Variants in IGF1 observed in about 807,000 individuals in gnomAD.
IGF1 encodes insulin like growth factor 1.
In IGF1, 4 loss-of-function variants were observed where a neutral mutation model predicts 13.8. That is an observed-to-expected ratio of 0.29 (90% CI 0.14 to 0.66). The LOEUF (loss-of-function observed/expected upper bound fraction) is 0.66. Ranked by LOEUF, IGF1 falls within the 30% of genes least tolerant of loss-of-function variation. The probability of loss-of-function intolerance (pLI) is 0.78; values close to 1 mark genes in which losing one functional copy is unlikely to be tolerated. For synonymous variants in IGF1, 76 were observed against 72.6 expected (o/e 1.05, Z -0.23); for missense variants, 124 against 188.5 (o/e 0.66, Z 2.00).
intron 2 of IGF1, among the ~76,000 whole-genome samples, chr12:102,453,839 C>G (rs1879161163): frequency 1.3e-5 from 2 of 152,176 alleles, no homozygotes; most frequent in African/African-American, 2.4e-5. Flanking sequence ...AATCTATGTG[C>G]CTTTAATCAC....
chr12:102,431,674 T>C (rs1037837349), intron 2 of IGF1, among the ~76,000 whole-genome samples: 1 of 152,128 alleles, frequency 6.6e-6, no homozygotes, highest in African/African-American at 2.4e-5. Context: ...AACTCTGAAG[T>C]TGATACCTTT....
intron 2 of IGF1, among the ~76,000 whole-genome samples, chr12:102,457,491 C>A (rs1395110186): frequency 6.6e-6 from 1 of 152,126 alleles, no homozygotes; most frequent in Non-Finnish European, 1.5e-5. Context: ...AAAGTCAAAG[C>A]GGCTTGTTTG....
chr12:102,449,956 C>G (rs1343519303), intron 2 of IGF1, among the ~76,000 whole-genome samples: 2 of 152,018 alleles, frequency 1.3e-5, no homozygotes, highest in Non-Finnish European at 2.9e-5. Flanking sequence ...TTCGTCTCAT[C>G]CAGTAGCATA....
intron 2 of IGF1, among the ~76,000 whole-genome samples, chr12:102,452,109 A>AAAG: frequency 6.6e-6 from 1 of 151,710 alleles, no homozygotes. Flanking sequence ...AAAAATACAA[A>AAAG]AAATTAGCCG....
chr12:102,443,751 G>A (rs1029576615), intron 2 of IGF1, among the ~76,000 whole-genome samples: 1 of 152,072 alleles, frequency 6.6e-6, no homozygotes, highest in Non-Finnish European at 1.5e-5. Context: ...AGATCACTGA[G>A]AGTACATAAC....
intron 2 of IGF1, among the ~76,000 whole-genome samples, chr12:102,431,185 G>A (rs1044610127): frequency 1.3e-5 from 2 of 152,190 alleles, no homozygotes; most frequent in Non-Finnish European, 2.9e-5. Flanking sequence ...TACTAGGCTT[G>A]AAGCTTAGTT....
At chr12:102,478,470 C>T (rs1566011793) in intron 1 of IGF1, 2 of 1,581,946 alleles carry the variant, frequency 1.3e-6, no homozygotes, top group Non-Finnish European at 1.7e-6. Context: ...GGGCAACAGT[C>T]ATAAGAAAAT....
intron 3 of IGF1, among the ~76,000 whole-genome samples, chr12:102,411,230 G>A (rs1191334621): frequency 6.6e-6 from 1 of 152,132 alleles, no homozygotes; most frequent in Non-Finnish European, 1.5e-5. Context: ...TGCCTCACAA[G>A]CTAGTCAAGC....
chr12:102,466,984 G>A (rs1160942760), intron 2 of IGF1, among the ~76,000 whole-genome samples: 1 of 152,112 alleles, frequency 6.6e-6, no homozygotes, highest in African/African-American at 2.4e-5. Context: ...AGCAAGGAGG[G>A]AGAAGAAAAA....
rs528152607 is a variant in IGF1 at position 102,430,553 on chromosome 12, T to C, written c.221-10863A>G. Among the ~76,000 whole-genome samples, 5 of 152,326 alleles carry C rather than the reference T, an allele frequency of 3.3e-5. No homozygotes were observed. In the South Asian group the frequency reaches 1.0e-3, roughly 32 times the overall value. On this transcript the variant is annotated intron_variant, in intron 2 of 3. Transcript: ENST00000337514. ...TCTGATGAGAGAATGTAGACAGAGC[T>C]ACACACATCCTCTTAACTGAACTGT...
At chr12:102,439,587 C>G (rs942274205) in intron 2 of IGF1, among the ~76,000 whole-genome samples, 1 of 151,874 alleles carries the variant, frequency 6.6e-6, no homozygotes, top group Non-Finnish European at 1.5e-5. Context: ...AATTATGAAA[C>G]GAAAGCCTAG....
Position 102,412,635 on chromosome 12 carries a change from T to C in IGF1, c.402+6874A>G, listed in dbSNP as rs10047577. Among the ~76,000 whole-genome samples, 529 of 152,302 alleles carry C rather than the reference T, an allele frequency of 3.5e-3. 3 individuals are homozygous for C. The highest frequency in any genetic ancestry group is 0.012 in the African/African-American group (496 of 41,552). On this transcript the variant is annotated intron_variant, in intron 3 of 3. Coordinates refer to ENST00000337514, the MANE Select transcript of IGF1 (RefSeq NM_000618.5). The stretch of plus-strand genomic sequence containing the variant: ...ATCATATTAGTTAAAAAAATAAAGA[T>C]GGGAATTTCCAAAATGTTTTCTAGC...
At position 102,402,449 on chromosome 12, in the gene IGF1, G is replaced by T. The variant is rs751113096; in HGVS notation, c.*58C>A. 2.6e-6 allele frequency: 2 copies of T among 780,206 alleles called. No individual in the cohort carries two copies. Among genetic ancestry groups the T allele is most frequent in the Admixed American group, 1.7e-5 (1 of 58,988 alleles). 48.3% of individuals were successfully genotyped at this position (780,206 alleles called of 1,614,324 possible). On this transcript the variant is annotated 3_prime_UTR_variant, in exon 4 of 4. Coordinates refer to ENST00000337514, the MANE Select transcript of IGF1 (RefSeq NM_000618.5). The stretch of plus-strand genomic sequence containing the variant: ...TGTTCCAAAGTTTAACAGGTAACTC[G>T]TGCAGAGCAAAGGATCCTGCGGTGG...
intron 2 of IGF1, among the ~76,000 whole-genome samples, chr12:102,439,854 C>T (rs1241314969): frequency 6.6e-6 from 1 of 152,150 alleles, no homozygotes; most frequent in Non-Finnish European, 1.5e-5. Context: ...TATTCCTCAT[C>T]TCTTCTGAGG....
At chr12:102,409,407 G>C (rs1017917212) in intron 3 of IGF1, among the ~76,000 whole-genome samples, 1 of 152,194 alleles carries the variant, frequency 6.6e-6, no homozygotes, top group African/African-American at 2.4e-5. Flanking sequence ...CCAGATCCAA[G>C]CAAAGTGTTT....
At chr12:102,428,808 G>A (rs1406358961) in intron 2 of IGF1, among the ~76,000 whole-genome samples, 1 of 152,072 alleles carries the variant, frequency 6.6e-6, no homozygotes, top group Non-Finnish European at 1.5e-5. Flanking sequence ...AATTTCCTTG[G>A]TGTCTGTCAA....
intron 3 of IGF1, among the ~76,000 whole-genome samples, chr12:102,408,370 CTT>C (rs1377864062): frequency 6.6e-6 from 1 of 152,190 alleles, no homozygotes; most frequent in Non-Finnish European, 1.5e-5. Flanking sequence ...TTGGATCAGC[CTT>C]TCCTCTCTGG....
intron 2 of IGF1, among the ~76,000 whole-genome samples, chr12:102,452,397 C>A (rs968603229): frequency 6.6e-6 from 1 of 150,804 alleles, no homozygotes; most frequent in African/African-American, 2.4e-5. Flanking sequence ...CAGTCTTGGA[C>A]AGTTCTTTAT....
chr12:102,422,010 T>A (rs1008554284), intron 2 of IGF1, among the ~76,000 whole-genome samples: 1 of 151,300 alleles, frequency 6.6e-6, no homozygotes, highest in African/African-American at 2.4e-5. Flanking sequence ...TAGAAAGTCA[T>A]CATCATCACA....
Sources: allele counts gnomAD v4.1 joint callset (sites outside exome capture counted in the v4.1 genomes callset), GRCh38; gene constraint gnomAD v4.1.1; transcripts MANE v1.5; gene names NCBI Gene and HGNC (gene_info 2026-07-23, HGNC 2026-07-21).